Variants in GALNT7 observed in about 807,000 individuals in gnomAD.
GALNT7 encodes the protein N-acetylgalactosaminyltransferase 7.
In GALNT7, 60 loss-of-function variants were observed where a neutral mutation model predicts 82.1. The observed-to-expected ratio is 0.73, with a 90% confidence interval of 0.59 to 0.91. The LOEUF is 0.91. Ranked by LOEUF, GALNT7 falls within the 40% of genes least tolerant of loss-of-function variation. The probability of loss-of-function intolerance (pLI) is 0.00; values close to 1 mark genes in which losing one functional copy is unlikely to be tolerated. For synonymous variants in GALNT7, 243 were observed against 275.1 expected (o/e 0.88, Z 1.15); for missense variants, 660 against 804.2 (o/e 0.82, Z 2.17).
chr4:173,300,226 C>G (rs1162972686), intron 6 of GALNT7, among the ~76,000 whole-genome samples: 1 of 152,092 alleles, frequency 6.6e-6, no homozygotes, highest in Non-Finnish European at 1.5e-5. Context: ...GCCTGTAGTC[C>G]CAGCAACTCA....
Position 173,295,758 on chromosome 4 carries a change from T to G in GALNT7, c.886-6T>G, listed in dbSNP as rs1412710960. 6.3e-7 allele frequency: 1 copy of G among 1,588,902 alleles called. No individual in the cohort carries two copies. The highest frequency in any genetic ancestry group is 1.1e-5 in the South Asian group (1 of 90,518). On this transcript the variant is annotated splice_polypyrimidine_tract_variant and splice_region_variant and intron_variant, in intron 4 of 11. Transcript: ENST00000265000. ...AGTATTCTTTCACCTGCCTCTTTTT[T>G]TTAAGGTTTTGATATACCTTGATGC... is the stretch of plus-strand genomic sequence containing the variant.
chr4:173,208,673 G>A (rs1449584170), intron 1 of GALNT7, among the ~76,000 whole-genome samples: 1 of 152,040 alleles, frequency 6.6e-6, no homozygotes, highest in Non-Finnish European at 1.5e-5. Flanking sequence ...GCTTCCTGTC[G>A]TTCCAGCCCG....
At chr4:173,216,105 A>T (rs1484253052) in intron 1 of GALNT7, among the ~76,000 whole-genome samples, 1 of 152,200 alleles carries the variant, frequency 6.6e-6, no homozygotes, top group African/African-American at 2.4e-5. Context: ...GTGACAGAGC[A>T]AGACTCTGTC....
chr4:173,266,265 GGAAAAA>G (rs1182632004), intron 2 of GALNT7, among the ~76,000 whole-genome samples: 2 of 151,998 alleles, frequency 1.3e-5, no homozygotes, highest in Non-Finnish European at 2.9e-5. Context: ...GTCTCAAAAA[GGAAAAA>G]GAAAAAGAAA....
intron 1 of GALNT7, among the ~76,000 whole-genome samples, chr4:173,173,123 TA>T (rs1249218256): frequency 4.6e-5 from 7 of 152,170 alleles, no homozygotes; most frequent in Non-Finnish European, 7.4e-5. Flanking sequence ...AGGATTTGGC[TA>T]TTGGATATGG....
chr4:173,250,535 T>C (rs985615460), intron 2 of GALNT7, among the ~76,000 whole-genome samples: 23 of 152,008 alleles, frequency 1.5e-4, no homozygotes, highest in Admixed American at 1.4e-3. Context: ...GCTTCTTTCC[T>C]CTCCTCTACC....
intron 1 of GALNT7, chr4:173,169,632 G>C (rs1001043365): frequency 6.6e-6 from 1 of 151,616 alleles, no homozygotes; most frequent in East Asian, 2.0e-4. Context: ...CCGAGGCCTC[G>C]CCCGGACCGC....
intron 2 of GALNT7, among the ~76,000 whole-genome samples, chr4:173,260,299 G>T (rs1022494029): frequency 9.2e-5 from 14 of 152,170 alleles, no homozygotes; most frequent in African/African-American, 3.4e-4. Flanking sequence ...CTATTTGGAA[G>T]TCTTACTGAG....
intron 8 of GALNT7, among the ~76,000 whole-genome samples, chr4:173,304,864 G>C (rs970329241): frequency 2.0e-5 from 3 of 151,476 alleles, no homozygotes; most frequent in African/African-American, 7.3e-5. Context: ...ATTATTTAAG[G>C]GTGCATAGTA....
chr4:173,282,548 T>C (rs1008178658), intron 2 of GALNT7: 3 of 152,202 alleles, frequency 2.0e-5, no homozygotes, highest in African/African-American at 7.2e-5. Flanking sequence ...TAACTGCTGT[T>C]AGGGAGATTG....
chr4:173,194,728 G>T (rs1192701042), intron 1 of GALNT7, among the ~76,000 whole-genome samples: 1 of 152,172 alleles, frequency 6.6e-6, no homozygotes, highest in Non-Finnish European at 1.5e-5. Context: ...CCATGTTGGT[G>T]TGCTGCACCC....
Position 173,302,281 on chromosome 4 carries a change from C to T in GALNT7, c.1266+117C>T. The T allele has an allele frequency of 1.4e-6, 1 of 720,178 alleles. No homozygotes were observed. Among genetic ancestry groups the T allele is most frequent in the Non-Finnish European group, 2.5e-6 (1 of 399,278 alleles). The allele number at this position is 720,178 out of a possible 1,614,324, so 44.6% of individuals were successfully genotyped here. On this transcript the variant is annotated intron_variant, in intron 7 of 11. Transcript: ENST00000265000. This position sits in a 1 kb window ranked among gnomAD's most constrained non-coding sequence, Gnocchi z 4.2. ...CCCACAATTATATCATGCATTTCTCCAAATTGTATAGAATGATTTAATGAA... is the reference window on the plus strand; with the variant it reads ...CCCACAATTATATCATGCATTTCTCTAAATTGTATAGAATGATTTAATGAA...
chr4:173,312,994 G>A (rs773001029), intron 8 of GALNT7, among the ~76,000 whole-genome samples: 5 of 152,064 alleles, frequency 3.3e-5, no homozygotes, highest in African/African-American at 4.8e-5. Context: ...GGGAGGCAGA[G>A]GTTGCAGTGA....
At chr4:173,269,797 A>G (rs776178409) in intron 2 of GALNT7, among the ~76,000 whole-genome samples, 7 of 152,166 alleles carry the variant, frequency 4.6e-5, no homozygotes, top group Admixed American at 6.5e-5. Context: ...TCTTACTTCA[A>G]TCTTGGTCTC....
chr4:173,262,943 T>C (rs1240016471), intron 2 of GALNT7, among the ~76,000 whole-genome samples: 2 of 152,186 alleles, frequency 1.3e-5, no homozygotes, highest in Non-Finnish European at 2.9e-5. Context: ...TTAGGGTATA[T>C]TTATGAAGGT....
intron 1 of GALNT7, among the ~76,000 whole-genome samples, chr4:173,210,064 G>A (rs1733224531): frequency 6.6e-6 from 1 of 152,008 alleles, no homozygotes; most frequent in African/African-American, 2.4e-5. Flanking sequence ...AACCCGGGAG[G>A]CCGAGGTTGC....
At chr4:173,193,224 A>G (rs529373564) in intron 1 of GALNT7, among the ~76,000 whole-genome samples, 3 of 152,338 alleles carry the variant, frequency 2.0e-5, no homozygotes, top group Admixed American at 6.5e-5. Context: ...AGGTTGTGAT[A>G]TAGGCCTGAA....
chr4:173,207,907 G>A (rs982424683), intron 1 of GALNT7, among the ~76,000 whole-genome samples: 11 of 152,146 alleles, frequency 7.2e-5, no homozygotes, highest in Non-Finnish European at 1.2e-4. Context: ...GGTGAAAAAC[G>A]AATCTCATTT....
intron 1 of GALNT7, among the ~76,000 whole-genome samples, chr4:173,187,929 T>C (rs190286920): frequency 6.6e-6 from 1 of 152,336 alleles, no homozygotes; most frequent in Non-Finnish European, 1.5e-5. Context: ...ACAAATACCT[T>C]TTCTTTTAGT....
Sources: allele counts gnomAD v4.1 joint callset (sites outside exome capture counted in the v4.1 genomes callset), GRCh38; gene constraint gnomAD v4.1.1; non-coding constraint Gnocchi (gnomAD v3.1); transcripts MANE v1.5; gene names NCBI Gene and HGNC (gene_info 2026-07-23, HGNC 2026-07-21).